Variants in NCAM2 observed in about 807,000 individuals in gnomAD.
The protein encoded by NCAM2 is neural cell adhesion molecule 2, also known as N-CAM-2.
NCAM2 carries 30 observed loss-of-function variants against 98.1 expected under a neutral mutation model. The observed-to-expected ratio is 0.31, with a 90% CI of 0.23 to 0.41. The LOEUF (loss-of-function observed/expected upper bound fraction) is 0.41, where lower values mean the gene tolerates loss of function less well. Ranked by LOEUF, NCAM2 falls within the 10% of genes least tolerant of loss-of-function variation. The pLI is 1.00. For synonymous variants in NCAM2, 368 were observed against 342.4 expected, an observed-to-expected ratio of 1.07 and a Z score of -0.83; for missense variants, 867 against 1,005.8, an observed-to-expected ratio of 0.86 and a Z score of 1.87.
At chr21:21,423,797 T>A (rs2077160826) in intron 11 of NCAM2, among the ~76,000 whole-genome samples, 1 of 152,124 alleles carries the variant, frequency 6.6e-6, no homozygotes, top group African/African-American at 2.4e-5. Flanking sequence ...TTTTTCAGGA[T>A]TGATTTAAGT....
chr21:21,362,030 T>A lies in NCAM2; in HGVS notation c.1045-11833T>A, dbSNP rs1028253869. Among the ~76,000 whole-genome samples the A allele has an allele frequency of 5.9e-5, 9 of 152,304 alleles. No individual in the cohort carries two copies. The East Asian group carries it at 1.7e-3, about 29-fold the overall frequency. On this transcript the variant is annotated intron_variant, in intron 8 of 17. Coordinates refer to ENST00000400546, the MANE Select transcript of NCAM2 (RefSeq NM_004540.5). ...CAAATTTTATTAGCCCTACTTTAAA[T>A]ATATCCATAATTCAATTACTTTTCA...
chr21:21,414,483 T>TC (rs2076948610), intron 10 of NCAM2, among the ~76,000 whole-genome samples: 1 of 150,684 alleles, frequency 6.6e-6, no homozygotes, highest in Non-Finnish European at 1.5e-5. Context: ...GTTTTTTTTT[T>TC]TTTTTGAGAG....
rs535263024 is a variant in NCAM2, at chr21:21,188,722, G to A, written c.56-91856G>A. 1.1e-4 allele frequency among the ~76,000 whole-genome samples: 16 copies of A among 152,232 alleles called. 1 individual carries two copies. In the South Asian group the frequency reaches 3.1e-3, roughly 30 times the overall value. On this transcript the variant is annotated intron_variant, in intron 1 of 17. Coordinates refer to ENST00000400546, the MANE Select transcript of NCAM2 (RefSeq NM_004540.5). Reference sequence around the variant, plus strand: ...ATTACGTAATGCCAGTGAATTGCAGGGAAGGATAGAGCTAATTACATCATA... The same window carrying A: ...ATTACGTAATGCCAGTGAATTGCAGAGAAGGATAGAGCTAATTACATCATA...
intron 1 of NCAM2, among the ~76,000 whole-genome samples, chr21:21,083,343 T>G (rs1035059141): frequency 4.6e-5 from 7 of 152,074 alleles, no homozygotes; most frequent in African/African-American, 7.2e-5. Flanking sequence ...AAAACTGAAG[T>G]TCAAATTGTT....
chr21:21,362,318 G>T (rs1336868710), intron 8 of NCAM2, among the ~76,000 whole-genome samples: 6 of 151,532 alleles, frequency 4.0e-5, no homozygotes, highest in Admixed American at 3.9e-4. Flanking sequence ...GGAATTCTCT[G>T]CTCTTATTTA....
intron 9 of NCAM2, among the ~76,000 whole-genome samples, chr21:21,375,730 A>C (rs545020747): frequency 1.3e-5 from 2 of 151,382 alleles, no homozygotes; most frequent in Admixed American, 6.6e-5. Flanking sequence ...ATTTTTCTAA[A>C]TGTGAATCTA....
At chr21:21,362,654 T>C in intron 8 of NCAM2, among the ~76,000 whole-genome samples, 1 of 152,216 alleles carries the variant, frequency 6.6e-6, no homozygotes, top group East Asian at 1.9e-4. Flanking sequence ...AATTTATCCA[T>C]TTAGAAGACT....
intron 1 of NCAM2, among the ~76,000 whole-genome samples, chr21:21,228,654 GAT>G (rs1264586459): frequency 1.3e-5 from 2 of 151,358 alleles, no homozygotes; most frequent in African/African-American, 2.4e-5. Flanking sequence ...ACACAGAAAT[GAT>G]ATGTTTTGTG....
intron 1 of NCAM2, among the ~76,000 whole-genome samples, chr21:21,220,121 A>C (rs2070081851): frequency 6.6e-6 from 1 of 152,186 alleles, no homozygotes; most frequent in Non-Finnish European, 1.5e-5. Flanking sequence ...ATTACAATTA[A>C]AAATAAAAAT....
At position 21,538,902 on chromosome 21, in the gene NCAM2, G is replaced by T. The variant is rs1990120209; in HGVS notation, c.*945G>T. ...ATCCTCAGATATATTTTTAGCCCAT[G>T]GTTTTATATAATCTTTAAGAACTAA... On this transcript the variant is annotated 3_prime_UTR_variant, in exon 18 of 18. Transcript: ENST00000400546. The T allele has an allele frequency of 6.6e-6, 1 of 151,860 alleles. No homozygotes were observed. 9.4% of individuals were successfully genotyped at this position (151,860 alleles called of 1,614,324 possible). A position where few individuals can be genotyped will look rare whatever the true frequency, so the allele number is the denominator to read the frequency against.
intron 1 of NCAM2, among the ~76,000 whole-genome samples, chr21:21,079,203 A>AAAACAAAC (rs138485268): frequency 0.037 from 5,616 of 152,226 alleles, 325 homozygotes; most frequent in African/African-American, 0.13. Flanking sequence ...AGTAAAATAA[A>AAAACAAAC]AAACAAACAA....
At chr21:21,174,220 G>A (rs1210305858) in intron 1 of NCAM2, among the ~76,000 whole-genome samples, 1 of 152,092 alleles carries the variant, frequency 6.6e-6, no homozygotes, top group Non-Finnish European at 1.5e-5. Context: ...GCTGCGCCTG[G>A]CCAACAAAAC....
intron 1 of NCAM2, among the ~76,000 whole-genome samples, chr21:21,028,402 T>C (rs898325783): frequency 5.3e-5 from 8 of 152,250 alleles, no homozygotes; most frequent in African/African-American, 1.9e-4. Flanking sequence ...TAAGATTCTT[T>C]AATGAGGCCT....
chr21:21,438,858 G>A (rs1206311692), intron 12 of NCAM2, among the ~76,000 whole-genome samples: 1 of 151,996 alleles, frequency 6.6e-6, no homozygotes, highest in Non-Finnish European at 1.5e-5. Context: ...TACGGAGGGA[G>A]AATTGTTCAA....
intron 15 of NCAM2, among the ~76,000 whole-genome samples, chr21:21,503,229 T>C: frequency 6.6e-6 from 1 of 151,988 alleles, no homozygotes; most frequent in Admixed American, 6.6e-5. Context: ...TGATAAACTT[T>C]AATTTACAAG....
At chr21:21,359,628 G>C (rs1022868452) in intron 8 of NCAM2, among the ~76,000 whole-genome samples, 1 of 151,680 alleles carries the variant, frequency 6.6e-6, no homozygotes, top group Non-Finnish European at 1.5e-5. Flanking sequence ...GTTGTTTGGG[G>C]GAAAATGTTA....
At chr21:21,341,010 T>G (rs232374) in intron 8 of NCAM2, among the ~76,000 whole-genome samples, 65,638 of 151,848 alleles carry the variant, frequency 0.43, 14,394 homozygotes, top group East Asian at 0.59. Flanking sequence ...AAACTTTACT[T>G]TTTACCTTGC....
At chr21:21,202,494 G>A (rs776089877) in intron 1 of NCAM2, among the ~76,000 whole-genome samples, 7 of 119,702 alleles carry the variant, frequency 5.8e-5, no homozygotes, top group Non-Finnish European at 9.6e-5. Context: ...TTGGCTCACC[G>A]CAACCTCCAT....
At chr21:21,201,716 T>G (rs556535448) in intron 1 of NCAM2, among the ~76,000 whole-genome samples, 25 of 152,152 alleles carry the variant, frequency 1.6e-4, no homozygotes, top group Non-Finnish European at 2.9e-4. Context: ...TGTAAAGCAG[T>G]GGTTCATTCC....
Sources: gnomAD v4.1 joint callset for allele counts (sites outside exome capture counted in the v4.1 genomes callset) on GRCh38, gnomAD v4.1.1 for gene constraint, MANE v1.5 for transcripts, NCBI Gene and HGNC (gene_info 2026-07-23, HGNC 2026-07-21) for gene names.